PPHLN1: variants seen among roughly 807,000 people sequenced by gnomAD.
PPHLN1 encodes the protein periphilin 1.
In PPHLN1, 29 loss-of-function variants were observed where a neutral mutation model predicts 51.3. That is an observed-to-expected ratio of 0.57 (90% CI 0.42 to 0.77). The LOEUF (loss-of-function observed/expected upper bound fraction) is 0.77. PPHLN1 is among the 30% of genes least tolerant of loss of function. PPHLN1 has a pLI of 0.00. For synonymous variants in PPHLN1, 147 were observed against 147.8 expected, an observed-to-expected ratio of 0.99 and a Z score of 0.04; for missense variants, 436 against 438.4, an observed-to-expected ratio of 0.99 and a Z score of 0.05.
At chr12:42,327,132 C>T (rs988168145) in intron 1 of PPHLN1, among the ~76,000 whole-genome samples, 13 of 152,218 alleles carry the variant, frequency 8.5e-5, no homozygotes, top group African/African-American at 2.7e-4. Flanking sequence ...ATGTAAGCTT[C>T]TGTGGTCTTC....
At chr12:42,326,767 A>G (rs1028795131) in intron 1 of PPHLN1, among the ~76,000 whole-genome samples, 1 of 152,106 alleles carries the variant, frequency 6.6e-6, no homozygotes, top group African/African-American at 2.4e-5. Flanking sequence ...CTTTTTCTCT[A>G]AGAGGCCATA....
chr12:42,438,444 A>G (rs1337697893), intron 9 of PPHLN1, among the ~76,000 whole-genome samples: 1 of 152,110 alleles, frequency 6.6e-6, no homozygotes, highest in East Asian at 1.9e-4. Flanking sequence ...GTATCTCACT[A>G]CTCATCATCG....
In PPHLN1 at chr12:42,369,714, C is replaced by T. The variant is rs556758548; in HGVS notation, c.300-5149C>T. On this transcript the variant is annotated intron_variant, in intron 4 of 9. Coordinates refer to ENST00000358314, the MANE Select transcript of PPHLN1 (RefSeq NM_201439.2). ...GGAATGCAATGAGATTTGAAACTTT[C>T]CCCCCAACTTACTTGCCTCCTAATT... Among the ~76,000 whole-genome samples, 13 of 152,240 alleles carry T rather than the reference C, an allele frequency of 8.5e-5. 1 individual carries two copies. The East Asian group carries it at 2.1e-3, about 25-fold the overall frequency.
chr12:42,423,405 C>G (rs1213059651), intron 9 of PPHLN1, among the ~76,000 whole-genome samples: 1 of 151,984 alleles, frequency 6.6e-6, no homozygotes, highest in East Asian at 1.9e-4. Flanking sequence ...TAAAATGAAA[C>G]TGTGCTATTT....
intron 1 of PPHLN1, among the ~76,000 whole-genome samples, chr12:42,333,108 T>C (rs1016733743): frequency 2.0e-5 from 3 of 152,216 alleles, no homozygotes; most frequent in Admixed American, 2.0e-4. Context: ...TATTCATACC[T>C]GGTCTTTTTA....
chr12:42,446,505 A>AC (rs113369350), downstream of PPHLN1: 10,239 of 1,501,716 alleles, frequency 6.8e-3, 644 homozygotes, highest in African/African-American at 0.13. Flanking sequence ...TCCTAGAAAG[A>AC]CCCCCACTCC....
At chr12:42,387,666 G>A in intron 7 of PPHLN1, 131 bp downstream of exon 7, 1 of 1,246,982 alleles carries the variant, frequency 8.0e-7, no homozygotes. Context: ...TTAAATTTTT[G>A]GCTAGGTGTG....
chr12:42,420,300 TTTTG>T (rs2080868514), intron 9 of PPHLN1, among the ~76,000 whole-genome samples: 1 of 151,532 alleles, frequency 6.6e-6, no homozygotes, highest in Non-Finnish European at 1.5e-5. Flanking sequence ...CTTGGACTAG[TTTTG>T]TTTGAGAGTG....
intron 9 of PPHLN1, chr12:42,433,312 G>A: frequency 3.3e-6 from 2 of 599,596 alleles, no homozygotes; most frequent in South Asian, 1.6e-5. Context: ...AATGGAACCT[G>A]GCATTCTGGT....
chr12:42,340,046 C>A (rs1034406367), intron 2 of PPHLN1, among the ~76,000 whole-genome samples: 2 of 152,094 alleles, frequency 1.3e-5, no homozygotes, highest in African/African-American at 4.8e-5. Context: ...GTGGCTCTTG[C>A]CTATAATCTG....
chr12:42,424,533 A>G (rs1184474812), intron 9 of PPHLN1, among the ~76,000 whole-genome samples: 1 of 152,184 alleles, frequency 6.6e-6, no homozygotes, highest in Admixed American at 6.5e-5. Context: ...CCTGTCTTCT[A>G]CAAATACATA....
At chr12:42,422,443 G>A (rs933802938) in intron 9 of PPHLN1, among the ~76,000 whole-genome samples, 5 of 152,256 alleles carry the variant, frequency 3.3e-5, no homozygotes, top group Admixed American at 1.3e-4. Flanking sequence ...AAATGACAGC[G>A]TACTGTTTCT....
chr12:42,424,369 T>C (rs983040740), intron 9 of PPHLN1, among the ~76,000 whole-genome samples: 1 of 152,176 alleles, frequency 6.6e-6, no homozygotes, highest in Non-Finnish European at 1.5e-5. Context: ...GGCAACTTAT[T>C]TTCTTCCATA....
At chr12:42,432,360 T>C (rs1263689236) in intron 9 of PPHLN1, 3 of 741,250 alleles carry the variant, frequency 4.0e-6, no homozygotes, top group Non-Finnish European at 7.5e-6. Flanking sequence ...TCTACTTCCT[T>C]TAGATAAGCA....
At chr12:42,332,562 A>C (rs532733705) in intron 1 of PPHLN1, 25 of 788,306 alleles carry the variant, frequency 3.2e-5, no homozygotes, top group Non-Finnish European at 4.9e-5. Context: ...TTGGCCTGAG[A>C]GTTCTGTTTA....
At chr12:42,330,259 C>A (rs1052957982) in intron 1 of PPHLN1, among the ~76,000 whole-genome samples, 3 of 152,190 alleles carry the variant, frequency 2.0e-5, no homozygotes, top group Non-Finnish European at 4.4e-5. Context: ...CCGAGACATT[C>A]CGTTTCCAGG....
At chr12:42,447,252 A>G (rs557278717), downstream of PPHLN1, 1 of 152,384 alleles carries the variant, frequency 6.6e-6, no homozygotes, top group South Asian at 2.1e-4. Flanking sequence ...TTATAGGCCC[A>G]TATGCTCTAT....
intron 9 of PPHLN1, among the ~76,000 whole-genome samples, chr12:42,429,026 G>GT (rs1226277774): frequency 6.6e-6 from 1 of 151,874 alleles, no homozygotes; most frequent in East Asian, 1.9e-4. Context: ...AAAGCCAAAT[G>GT]AAATTTTATC....
intron 7 of PPHLN1, among the ~76,000 whole-genome samples, chr12:42,391,523 T>A (rs1186564440): frequency 6.6e-6 from 1 of 152,052 alleles, no homozygotes; most frequent in African/African-American, 2.4e-5. Context: ...GGATTACAGG[T>A]ATGAGCCACT....
Sources: gnomAD v4.1 joint callset for allele counts (sites outside exome capture counted in the v4.1 genomes callset) on GRCh38, gnomAD v4.1.1 for gene constraint, MANE v1.5 for transcripts, NCBI Gene and HGNC (gene_info 2026-07-23, HGNC 2026-07-21) for gene names.